The following AGRN variants were observed in gnomAD, a reference collection of about 807,000 sequenced individuals.
AGRN encodes the protein agrin.
Under a neutral mutation model 211.0 loss-of-function variants are expected in AGRN, and 106 were observed. That is an observed-to-expected ratio of 0.50 (90% CI 0.43 to 0.59). AGRN has a LOEUF of 0.59. Ranked by LOEUF, AGRN falls within the 20% of genes least tolerant of loss-of-function variation. AGRN has a pLI of 0.00. For synonymous variants in AGRN, 1,525 were observed against 1,332.5 expected, an observed-to-expected ratio of 1.14 and a Z score of -3.15; for missense variants, 3,040 against 2,982.6, an observed-to-expected ratio of 1.02 and a Z score of -0.45.
rs1644529840 is a variant in AGRN, at chr1:1,026,776, G to A, written c.463+4314G>A. 2.6e-5 allele frequency among the ~76,000 whole-genome samples: 4 copies of A among 152,216 alleles called. No homozygotes were observed. The South Asian group carries it at 8.3e-4, about 32-fold the overall frequency. On this transcript the variant is annotated intron_variant, in intron 2 of 35. Transcript: ENST00000379370. Reference sequence around the variant, plus strand: ...GGATGGAACCCCGGGGTCCCAGGAGGTGCCTGCCCCTCAGAGATGAGAAAA... The same window carrying A: ...GGATGGAACCCCGGGGTCCCAGGAGATGCCTGCCCCTCAGAGATGAGAAAA...
chr1:1,022,554 C>T lies in AGRN; in HGVS notation c.463+92C>T, dbSNP rs563821616. On this transcript the variant is annotated intron_variant, in intron 2 of 35. Coordinates refer to ENST00000379370, the MANE Select transcript of AGRN (RefSeq NM_198576.4). Reference sequence around the variant, plus strand: ...CAGGGGTCGCTGTGCGGGGTCCTTTCGTGCTGTGCCGGAGGCTGCAGCACA... The same window carrying T: ...CAGGGGTCGCTGTGCGGGGTCCTTTTGTGCTGTGCCGGAGGCTGCAGCACA... The T allele has an allele frequency of 2.5e-5, 27 of 1,086,340 alleles. No homozygotes were observed. In the East Asian group the frequency reaches 4.7e-4, roughly 19 times the overall value. The allele number at this position is 1,086,340 out of a possible 1,614,324, so 67.3% of individuals were successfully genotyped here.
At position 1,054,951 on chromosome 1, in the gene AGRN, G is replaced by A. The variant is rs1256276949; in HGVS notation, c.6108G>A (p.Lys2036=). ...ACCTGCTGGAGGACGCCGTCACCAA[G>A]CCAGAGCTGCGGCCCTGCCCCACCC... is the stretch of plus-strand genomic sequence containing the variant. ...PLHLLEDAVT[K]PELRPCPTP The change falls in exon 36 of 36, where the codon AAG becomes AAA. Residue 2036 remains lysine (K), a synonymous_variant. Transcript: ENST00000379370. 4.5e-6 allele frequency: 7 copies of A among 1,549,006 alleles called. No homozygotes were observed. The highest frequency in any genetic ancestry group is 6.1e-6 in the Non-Finnish European group (7 of 1,147,154).
At chr1:1,035,943 G>A (rs1375682789) in intron 3 of AGRN, among the ~76,000 whole-genome samples, 1 of 152,148 alleles carries the variant, frequency 6.6e-6, no homozygotes. Flanking sequence ...CACTGTCATC[G>A]GGGTGGTGTG....
chr1:1,034,989 C>T, intron 2 of AGRN: 1 of 555,426 alleles, frequency 1.8e-6, no homozygotes, highest in Non-Finnish European at 3.2e-6. Context: ...CTGCGGTGGA[C>T]TCTTCCAGGG....
rs1645433114 is a variant in AGRN, at chr1:1,055,689, C to T, written c.*708C>T. On this transcript the variant is annotated 3_prime_UTR_variant, in exon 36 of 36. Transcript: ENST00000379370. Reference sequence around the variant, plus strand: ...GTGGGATGGGGTTGACCTCTGCCGCCTGCCTGGGTATCTGGGCCTGGCCAT... The same window carrying T: ...GTGGGATGGGGTTGACCTCTGCCGCTTGCCTGGGTATCTGGGCCTGGCCAT... 1 of 155,468 alleles carries T rather than the reference C, an allele frequency of 6.4e-6. No homozygotes were observed. Among genetic ancestry groups the T allele is most frequent in the South Asian group, 2.0e-4 (1 of 4,986 alleles). 9.6% of individuals were successfully genotyped at this position (155,468 alleles called of 1,614,324 possible). A position where few individuals can be genotyped will look rare whatever the true frequency, so the allele number is the denominator to read the frequency against.
Position 1,044,274 on chromosome 1 carries a change from T to G in AGRN, c.2148+17T>G. 3 of 1,612,490 alleles carry G rather than the reference T, an allele frequency of 1.9e-6. No homozygotes were observed. Among genetic ancestry groups the G allele is most frequent in the Non-Finnish European group, 2.5e-6 (3 of 1,179,794 alleles). The stretch of plus-strand genomic sequence containing the variant: ...GGCAGCCCGGTGAGCTCTGTACCCC[T>G]GGCTCTCGGCGGGCGGCGGGGACGG... On this transcript the variant is annotated intron_variant, in intron 11 of 35. Coordinates refer to ENST00000379370, the MANE Select transcript of AGRN (RefSeq NM_198576.4).
intron 8 of AGRN, 27 bp from the exon 9 acceptor site, chr1:1,043,511 C>A: frequency 6.2e-7 from 1 of 1,602,182 alleles, no homozygotes; most frequent in South Asian, 1.1e-5. Flanking sequence ...GGTTCCTGGT[C>A]GCCTGGTGAT....
chr1:1,022,486 G>A (rs1644428414), intron 2 of AGRN, 24 bp downstream of exon 2: 1 of 1,591,772 alleles, frequency 6.3e-7, no homozygotes, highest in South Asian at 1.1e-5. Context: ...GGCTCGTGTG[G>A]GGGCCTGTGG....
rs752408613 is a variant in AGRN, at chr1:1,046,422, G to A, written c.2937G>A (p.Pro979=). 14 of 1,611,912 alleles carry A rather than the reference G, an allele frequency of 8.7e-6. No individual in the cohort carries two copies. The highest frequency in any genetic ancestry group is 2.2e-5 in the East Asian group (1 of 44,834). ...AGGCTGTTGCTCCCAGCACTCACCC[G>A]ACATCTGCCTCCGTGACTGTGACCA... ...CQEAVAPSTH[P]TSASVTVTTP... is the part of the protein sequence containing the mutation. The change falls in exon 18 of 36, where the codon CCG becomes CCA. Residue 979 remains proline (P), a synonymous_variant. Coordinates refer to ENST00000379370, the MANE Select transcript of AGRN (RefSeq NM_198576.4).
At position 1,022,374 on chromosome 1, in the gene AGRN, G is replaced by A; in HGVS notation, c.375G>A (p.Trp125Ter). ...TGAACCCTGCACCCCCATACCTGTG[G>A]CCAGCCCACAAGAACGAGCTGATGC... The part of the protein sequence containing the change: ...FFVNPAPPYL[W>*]PAHKNELMLN... Residue 125 changes from tryptophan to a stop codon, truncating the protein, a stop_gained, in exon 2 of 36, where the codon TGG (tryptophan) becomes TGA (stop). Transcript: ENST00000379370. LOFTEE classifies it high-confidence loss of function. 12 of 1,613,354 alleles carry A rather than the reference G, an allele frequency of 7.4e-6. No homozygotes were observed. Among genetic ancestry groups the A allele is most frequent in the Non-Finnish European group, 1.0e-5 (12 of 1,179,998 alleles).
rs1570266128 is a variant in AGRN at position 1,055,802 on chromosome 1, G to C, written c.*821G>C. On this transcript the variant is annotated 3_prime_UTR_variant, in exon 36 of 36. Transcript: ENST00000379370. ...TCTCGCCTGAGAGCGGCTGAGGGCT[G>C]CCTCACTGCAAATCCTCCCCACAGC... 6.6e-6 allele frequency: 1 copy of C among 152,456 alleles called. No homozygotes were observed. Among genetic ancestry groups the C allele is most frequent in the Admixed American group, 6.5e-5 (1 of 15,296 alleles). The allele number at this position is 152,456 out of a possible 1,614,324, so 9.4% of individuals were successfully genotyped here.
chr1:1,037,273 C>T (rs2100616111), intron 3 of AGRN, among the ~76,000 whole-genome samples: 1 of 152,330 alleles, frequency 6.6e-6, no homozygotes, highest in South Asian at 2.1e-4. Flanking sequence ...TTAGCATCCT[C>T]AGCCTCGTTT....
rs1645175212 is a variant in AGRN at position 1,048,744 on chromosome 1, G to A, written c.4106-123G>A. 3.3e-6 allele frequency: 4 copies of A among 1,200,512 alleles called. No homozygotes were observed. Among genetic ancestry groups the A allele is most frequent in the South Asian group, 1.6e-5 (1 of 62,428 alleles). 74.4% of individuals were successfully genotyped at this position (1,200,512 alleles called of 1,614,324 possible). A position where few individuals can be genotyped will look rare whatever the true frequency, so the allele number is the denominator to read the frequency against. Reference sequence around the variant, plus strand: ...ATCGCGCCACTGCACTCCAGCCGGGGCAAAAAGAGCAAAACTCCGTCTCAA... The same window carrying A: ...ATCGCGCCACTGCACTCCAGCCGGGACAAAAAGAGCAAAACTCCGTCTCAA... On this transcript the variant is annotated intron_variant, in intron 23 of 35. Coordinates refer to ENST00000379370, the MANE Select transcript of AGRN (RefSeq NM_198576.4). The surrounding 1 kb of genome is among the most constrained non-coding windows in gnomAD (Gnocchi z 5.9).
chr1:1,047,926 C>T (rs1645147824), intron 22 of AGRN, 31 bp downstream of exon 22: 1 of 1,602,050 alleles, frequency 6.2e-7, no homozygotes. Context: ...CACAGCTTAC[C>T]TGCCCCCTCC....
At position 1,048,928 on chromosome 1, in the gene AGRN, C is replaced by T. The variant is rs74726601; in HGVS notation, c.4167C>T (p.Arg1389=). ...CCTTCCTGGCCTTCCCCACTCTCCGCGCCTACCACACGCTGCGCCTGGCAC... is the reference window on the plus strand; with the variant it reads ...CCTTCCTGGCCTTCCCCACTCTCCGTGCCTACCACACGCTGCGCCTGGCAC... ...GRSFLAFPTL[R]AYHTLRLALE... is the part of the protein sequence containing the mutation. Residue 1389 remains arginine (R), a synonymous_variant, in exon 24 of 36, where the codon CGC becomes CGT. Coordinates refer to ENST00000379370, the MANE Select transcript of AGRN (RefSeq NM_198576.4). This position sits in a 1 kb window ranked among gnomAD's most constrained non-coding sequence, Gnocchi z 5.9. 152 of 1,562,096 alleles carry T rather than the reference C, an allele frequency of 9.7e-5. No homozygotes were observed. Among genetic ancestry groups the T allele is most frequent in the Non-Finnish European group, 1.2e-4 (144 of 1,154,564 alleles).
Position 1,044,092 on chromosome 1 carries a change from G to T in AGRN, c.2000-17G>T. 1.2e-6 allele frequency: 2 copies of T among 1,613,140 alleles called. No individual in the cohort carries two copies. The highest frequency in any genetic ancestry group is 3.3e-4 in the Middle Eastern group (2 of 6,056). Reference sequence around the variant, plus strand: ...GGACAAGAAGCCCCTGGGTGACTCTGCTCCCCTTCCCCGCAGCCGAGTGCG... The same window carrying T: ...GGACAAGAAGCCCCTGGGTGACTCTTCTCCCCTTCCCCGCAGCCGAGTGCG... On this transcript the variant is annotated splice_polypyrimidine_tract_variant and intron_variant, in intron 10 of 35. Transcript: ENST00000379370.
At position 1,046,040 on chromosome 1, in the gene AGRN, C is replaced by G; in HGVS notation, c.2757C>G (p.Ala919=). The G allele has an allele frequency of 1.2e-6, 2 of 1,614,056 alleles. No individual in the cohort carries two copies. Among genetic ancestry groups the G allele is most frequent in the Non-Finnish European group, 1.7e-6 (2 of 1,180,020 alleles). Residue 919 remains alanine (A), a synonymous_variant, in exon 16 of 36, where the codon GCC becomes GCG. Coordinates refer to ENST00000379370, the MANE Select transcript of AGRN (RefSeq NM_198576.4). ...GGTGCGTGGAGGAGTCTGGCTCAGC[C>G]CACTGTGTCTGCCCGATGCTCACCT... ...GARCVEESGS[A]HCVCPMLTCP...
intron 1 of AGRN, among the ~76,000 whole-genome samples, chr1:1,021,692 G>C (rs961064512): frequency 1.3e-5 from 2 of 152,248 alleles, no homozygotes; most frequent in African/African-American, 2.4e-5. Flanking sequence ...GCCCAAACTT[G>C]ATTTCGTGGT....
intron 1 of AGRN, 138 bp downstream of exon 1, chr1:1,020,511 G>A (rs555803746): frequency 2.5e-6 from 2 of 815,268 alleles, no homozygotes; most frequent in Non-Finnish European, 1.7e-6. Flanking sequence ...AGCCCCGGGA[G>A]GGGGGGTCGC....
Sources: gnomAD v4.1 joint callset for allele counts (sites outside exome capture counted in the v4.1 genomes callset) on GRCh38, gnomAD v4.1.1 for gene constraint, Gnocchi (gnomAD v3.1) non-coding constraint, MANE v1.5 for transcripts, NCBI Gene and HGNC (gene_info 2026-07-23, HGNC 2026-07-21) for gene names.